The following DPY19L1 variants were observed in gnomAD, a reference collection of about 807,000 sequenced individuals.
The protein encoded by DPY19L1 is dpy-19 like C-mannosyltransferase 1.
In DPY19L1, 35 loss-of-function variants were observed where a neutral mutation model predicts 96.9. The observed-to-expected ratio is 0.36, with a 90% confidence interval of 0.28 to 0.48. The LOEUF (loss-of-function observed/expected upper bound fraction) is 0.48. Ranked by LOEUF, DPY19L1 falls within the 20% of genes least tolerant of loss-of-function variation. DPY19L1 has a pLI of 0.99. For synonymous variants in DPY19L1, 205 were observed against 252.6 expected, an observed-to-expected ratio of 0.81 and a Z score of 1.79; for missense variants, 521 against 777.9, an observed-to-expected ratio of 0.67 and a Z score of 3.93.
chr7:34,969,662 C>G, intron 8 of DPY19L1, 130 bp from the exon 9 acceptor site: 1 of 460,758 alleles, frequency 2.2e-6, no homozygotes, highest in Non-Finnish European at 3.8e-6. Context: ...TAAAATGAAC[C>G]AATGGGTTAG....
Position 35,013,799 on chromosome 7 carries a change from TTAAG to T in DPY19L1, c.412-98_412-95del, listed in dbSNP as rs1293047226. ...ACACTGTTTTTGAAAAACAAAGCAA[TTAAG>T]TAATAGCTATTAATACAATGAATTT... On this transcript the variant is annotated intron_variant, in intron 3 of 21. Coordinates refer to ENST00000638088, the MANE Select transcript of DPY19L1 (RefSeq NM_001366673.1). The T allele has an allele frequency of 1.1e-5, 10 of 934,834 alleles. No individual in the cohort carries two copies. In the African/African-American group the frequency reaches 1.2e-4, roughly 11 times the overall value. The allele number at this position is 934,834 out of a possible 1,614,324, so 57.9% of individuals were successfully genotyped here. A position where few individuals can be genotyped will look rare whatever the true frequency, so the allele number is the denominator to read the frequency against.
Position 35,012,459 on chromosome 7 carries a change from G to A in DPY19L1, c.550-1009C>T, listed in dbSNP as rs1308903976. ...TACTGAGCACAAAATCCAGAAACACGTGCAAGCATGTATGTATAATAATTT... is the reference window on the plus strand; with the variant it reads ...TACTGAGCACAAAATCCAGAAACACATGCAAGCATGTATGTATAATAATTT... On this transcript the variant is annotated intron_variant, in intron 4 of 21. Coordinates refer to ENST00000638088, the MANE Select transcript of DPY19L1 (RefSeq NM_001366673.1). 4.6e-5 allele frequency among the ~76,000 whole-genome samples: 7 copies of A among 152,242 alleles called. No homozygotes were observed. In the East Asian group the frequency reaches 5.8e-4, roughly 13 times the overall value.
At chr7:34,975,598 A>G (rs1448155686) in intron 7 of DPY19L1, among the ~76,000 whole-genome samples, 1 of 152,230 alleles carries the variant, frequency 6.6e-6, no homozygotes, top group Non-Finnish European at 1.5e-5. Flanking sequence ...GCACTAAACA[A>G]CAGGGCAGAT....
intron 1 of DPY19L1, among the ~76,000 whole-genome samples, chr7:35,034,449 G>GTGGCT (rs1786337492): frequency 6.6e-6 from 1 of 152,216 alleles, no homozygotes. Flanking sequence ...AGCCACCTCT[G>GTGGCT]CATGAGGAAG....
intron 17 of DPY19L1, among the ~76,000 whole-genome samples, chr7:34,942,271 G>T (rs1204692033): frequency 1.3e-5 from 2 of 152,128 alleles, no homozygotes; most frequent in African/African-American, 4.8e-5. Context: ...GGAGATGGGA[G>T]CAGTAACCAA....
At chr7:34,963,135 C>T (rs190749132) in intron 10 of DPY19L1, among the ~76,000 whole-genome samples, 1 of 137,478 alleles carries the variant, frequency 7.3e-6, no homozygotes, top group Non-Finnish European at 1.5e-5. Flanking sequence ...GCGGAGGTTG[C>T]AGTGAGCCGA....
chr7:34,949,725 T>G (rs2021390), intron 14 of DPY19L1, 72 bp downstream of exon 14: 279,061 of 925,296 alleles, frequency 0.3, 43,316 homozygotes, highest in Non-Finnish European at 0.33. Context: ...GAGTCTGATA[T>G]AAGAGGAGCA....
At chr7:35,037,687 C>G (rs1009649186), upstream of DPY19L1, 1 of 347,232 alleles carries the variant, frequency 2.9e-6, no homozygotes, top group Non-Finnish European at 4.1e-6. Flanking sequence ...GGCGGGGACA[C>G]CCTGCGAGCG....
chr7:35,029,372 C>T (rs1786206750), intron 1 of DPY19L1, among the ~76,000 whole-genome samples: 1 of 152,044 alleles, frequency 6.6e-6, no homozygotes, highest in South Asian at 2.1e-4. Context: ...CTTTAGTAAA[C>T]CTAATGGAAA....
chr7:35,026,306 C>A (rs1786119149), intron 1 of DPY19L1, among the ~76,000 whole-genome samples: 2 of 152,226 alleles, frequency 1.3e-5, no homozygotes, highest in South Asian at 4.2e-4. Flanking sequence ...ATTCCCAATC[C>A]ACATTTTAAC....
intron 17 of DPY19L1, 119 bp downstream of exon 17, chr7:34,942,496 G>T: frequency 1.3e-6 from 1 of 775,896 alleles, no homozygotes; most frequent in Admixed American, 2.6e-5. Context: ...CACATAACAG[G>T]CTATTTTCAA....
Position 34,939,329 on chromosome 7 carries a change from G to C in DPY19L1, c.1911C>G (p.Leu637=). The C allele has an allele frequency of 3.1e-6, 5 of 1,614,014 alleles. No individual in the cohort carries two copies. Among genetic ancestry groups the C allele is most frequent in the Non-Finnish European group, 4.2e-6 (5 of 1,179,960 alleles). Residue 637 remains leucine (L), a synonymous_variant, in exon 20 of 22, where the codon CTC becomes CTG. Transcript: ENST00000638088. ...GAMPTMASVK[L]SALRPIVNHP... ...GATTCACAATGGGCCGAAGTGCAGA[G>C]AGCTTAACACTTGCCATCGTGGGCA... is the stretch of plus-strand genomic sequence containing the variant.
chr7:34,970,883 C>T (rs2077106), intron 8 of DPY19L1, among the ~76,000 whole-genome samples: 29,429 of 149,220 alleles, frequency 0.2, 3,256 homozygotes, highest in Admixed American at 0.36. Context: ...CAAGAAAAAG[C>T]TAAGCTGTGC....
chr7:34,934,439 T>C (rs1158542281), intron 21 of DPY19L1, among the ~76,000 whole-genome samples: 2 of 152,240 alleles, frequency 1.3e-5, no homozygotes, highest in Non-Finnish European at 2.9e-5. Flanking sequence ...AGTTCTCATA[T>C]GTACTATTTA....
intron 7 of DPY19L1, among the ~76,000 whole-genome samples, chr7:34,988,430 CT>C (rs77461383): frequency 3.5e-3 from 499 of 142,494 alleles, no homozygotes; most frequent in Middle Eastern, 3.8e-3. Context: ...AAAACCAAAT[CT>C]TTTTTTTTTT....
chr7:34,976,649 A>T (rs1198766287), intron 7 of DPY19L1, among the ~76,000 whole-genome samples: 2 of 152,204 alleles, frequency 1.3e-5, no homozygotes, highest in Non-Finnish European at 2.9e-5. Context: ...TCAATACAGC[A>T]AATTTCATTG....
At chr7:34,992,242 T>C (rs1400636873) in intron 6 of DPY19L1, among the ~76,000 whole-genome samples, 2 of 152,264 alleles carry the variant, frequency 1.3e-5, no homozygotes, top group African/African-American at 4.8e-5. Context: ...TGTTTTGTTT[T>C]GACAACATGC....
chr7:34,939,498 G>T, intron 19 of DPY19L1, 123 bp from the exon 20 acceptor site: 2 of 693,782 alleles, frequency 2.9e-6, no homozygotes, highest in East Asian at 3.0e-5. Flanking sequence ...ATGACTTCAA[G>T]ATTCAATGGC....
intron 7 of DPY19L1, among the ~76,000 whole-genome samples, chr7:34,988,689 G>A (rs1409770876): frequency 6.6e-6 from 1 of 152,030 alleles, no homozygotes; most frequent in African/African-American, 2.4e-5. Context: ...ATGCATGGAA[G>A]GACAAAGTCA....
Sources: allele counts gnomAD v4.1 joint callset (sites outside exome capture counted in the v4.1 genomes callset), GRCh38; gene constraint gnomAD v4.1.1; transcripts MANE v1.5; gene names NCBI Gene and HGNC (gene_info 2026-07-23, HGNC 2026-07-21).